C1orf52: variants seen among roughly 807,000 people sequenced by gnomAD.
The protein encoded by C1orf52 is chromosome 1 open reading frame 52.
In C1orf52, 5 loss-of-function variants were observed where a neutral mutation model predicts 17.2. The ratio of observed to expected loss-of-function variants is 0.29; its 90% CI spans 0.15 to 0.61. The LOEUF is 0.61. C1orf52 is among the 20% of genes least tolerant of loss of function. The probability of loss-of-function intolerance (pLI) is 0.85; values close to 1 mark genes in which losing one functional copy is unlikely to be tolerated. For missense variants in C1orf52, 245 were observed against 234.1 expected, an observed-to-expected ratio of 1.05 and a Z score of -0.30; for synonymous variants, 110 against 88.0, an observed-to-expected ratio of 1.25 and a Z score of -1.40.
At chr1:85,258,466 T>TAAAAAGAA (rs1660000295) in intron 2 of C1orf52, 58 bp downstream of exon 2, 4 of 1,394,668 alleles carry the variant, frequency 2.9e-6, no homozygotes, top group Non-Finnish European at 4.0e-6. Context: ...TATCTCATTC[T>TAAAAAGAA]TTTTAAGCCC....
Position 85,259,623 on chromosome 1 carries a change from T to A in C1orf52, c.11A>T (p.Glu4Val). The A allele has an allele frequency of 7.7e-6, 12 of 1,556,688 alleles. No homozygotes were observed. Among genetic ancestry groups the A allele is most frequent in the Non-Finnish European group, 1.0e-5 (12 of 1,149,700 alleles). The change falls in exon 1 of 3, where the codon GAG (glutamate) becomes GTG (valine). Residue 4 changes from glutamate (E) to valine (V), a missense_variant. Coordinates refer to ENST00000471115, the MANE Select transcript of C1orf52 (RefSeq NM_198077.4). MAA[E>V]EKDPLSYFAA... ...AAAATAGCTCAGAGGGTCCTTCTCC[T>A]CCGCTGCCATGACGGCTGCGAGCGA...
In C1orf52 at chr1:85,252,543, GGCA is replaced by G. The variant is rs551475734; in HGVS notation, c.*83_*85del. ...AACGTATGCATTTTCATGGAGATGT[GGCA>G]TAATAACCCACAATATCAACTTAAT... On this transcript the variant is annotated 3_prime_UTR_variant, in exon 3 of 3. Transcript: ENST00000471115. The G allele has an allele frequency of 2.1e-4, 221 of 1,047,710 alleles. No individual in the cohort carries two copies. The African/African-American group carries it at 2.9e-3, about 14-fold the overall frequency. The allele number at this position is 1,047,710 out of a possible 1,614,324, so 64.9% of individuals were successfully genotyped here. A position where few individuals can be genotyped will look rare whatever the true frequency, so the allele number is the denominator to read the frequency against.
intron 2 of C1orf52, 42 bp downstream of exon 2, chr1:85,258,482 G>A (rs752208878): frequency 6.0e-6 from 9 of 1,500,006 alleles, no homozygotes; most frequent in South Asian, 1.2e-5. Context: ...AGCCCATCAC[G>A]GGGATCAAAA....
rs1557781073 is a variant in C1orf52 at position 85,259,626 on chromosome 1, G to C, written c.8C>G (p.Ala3Gly). The C allele has an allele frequency of 1.9e-6, 3 of 1,555,270 alleles. No individual in the cohort carries two copies. The highest frequency in any genetic ancestry group is 2.4e-5 in the South Asian group (2 of 84,876). ...ATAGCTCAGAGGGTCCTTCTCCTCC[G>C]CTGCCATGACGGCTGCGAGCGACAA... The part of the protein sequence containing the change: MA[A>G]EEKDPLSYFA... Residue 3 changes from alanine to glycine, a missense_variant, in exon 1 of 3, where the codon GCG becomes GGG. Physicochemically the swap from Ala to Gly is moderately conservative, Grantham distance 60. Coordinates refer to ENST00000471115, the MANE Select transcript of C1orf52 (RefSeq NM_198077.4).
rs1406352527 is a variant in C1orf52, at chr1:85,250,191, GAC to G, written c.*2436_*2437del. On this transcript the variant is annotated 3_prime_UTR_variant, in exon 3 of 3. Coordinates refer to ENST00000471115, the MANE Select transcript of C1orf52 (RefSeq NM_198077.4). Reference sequence around the variant, plus strand: ...CCCCCATAATTCAGTCACCACCCATGACACGTGGGAATTGTGGGAATTACAAT... The same window carrying G: ...CCCCCATAATTCAGTCACCACCCATGACGTGGGAATTGTGGGAATTACAAT... 1 of 152,144 alleles carries G rather than the reference GAC, an allele frequency of 6.6e-6. No individual in the cohort carries two copies. Among genetic ancestry groups the G allele is most frequent in the Non-Finnish European group, 1.5e-5 (1 of 68,040 alleles). The allele number at this position is 152,144 out of a possible 1,614,324, so 9.4% of individuals were successfully genotyped here. A position where few individuals can be genotyped will look rare whatever the true frequency, so the allele number is the denominator to read the frequency against.
intron 2 of C1orf52, among the ~76,000 whole-genome samples, chr1:85,253,202 T>G (rs1659842856): frequency 6.6e-6 from 1 of 152,238 alleles, no homozygotes; most frequent in Non-Finnish European, 1.5e-5. Flanking sequence ...ATTCTCTCCC[T>G]TGGACACCAC....
chr1:85,259,085 T>A, intron 1 of C1orf52: 4 of 1,295,130 alleles, frequency 3.1e-6, no homozygotes, highest in Non-Finnish European at 3.9e-6. Flanking sequence ...GGCGGGGGAG[T>A]CACCACTGTT....
At chr1:85,256,793 C>T (rs1406076619) in intron 2 of C1orf52, among the ~76,000 whole-genome samples, 2 of 55,196 alleles carry the variant, frequency 3.6e-5, no homozygotes, top group African/African-American at 8.2e-5. Flanking sequence ...ACCGAGACTC[C>T]GCCTCAAAAA....
At position 85,259,526 on chromosome 1, in the gene C1orf52, G is replaced by C. The variant is rs763294331; in HGVS notation, c.108C>G (p.Arg36=). ...CCGACTTCGCCGGATCCGGGGTTCT[G>C]CGACTCGTCTCCTCCGGCTCGATGT... ...EDNIEPEETS[R]RTPDPAKSAG... The change falls in exon 1 of 3, where the codon CGC becomes CGG. Residue 36 remains arginine (R), a synonymous_variant. Coordinates refer to ENST00000471115, the MANE Select transcript of C1orf52 (RefSeq NM_198077.4). 6.2e-7 allele frequency: 1 copy of C among 1,613,934 alleles called. No homozygotes were observed. The highest frequency in any genetic ancestry group is 8.5e-7 in the Non-Finnish European group (1 of 1,180,004).
intron 2 of C1orf52, among the ~76,000 whole-genome samples, chr1:85,254,907 A>G (rs1339955967): frequency 6.6e-6 from 1 of 152,242 alleles, no homozygotes; most frequent in Non-Finnish European, 1.5e-5. Context: ...TTAAAAAGTA[A>G]CTGGCTATCA....
chr1:85,256,035 A>G (rs142117081), intron 2 of C1orf52, among the ~76,000 whole-genome samples: 3,826 of 152,322 alleles, frequency 0.025, 66 homozygotes, highest in South Asian at 0.037. Flanking sequence ...CCATATAACT[A>G]CAAAGATGTG....
chr1:85,258,217 GTGT>G (rs760488783), intron 2 of C1orf52, among the ~76,000 whole-genome samples: 6 of 152,206 alleles, frequency 3.9e-5, no homozygotes, highest in East Asian at 3.9e-4. Context: ...GAATTGATTT[GTGT>G]TGTTCTAATA....
intron 2 of C1orf52, among the ~76,000 whole-genome samples, chr1:85,256,036 C>G (rs970688669): frequency 3.3e-5 from 5 of 152,192 alleles, no homozygotes; most frequent in African/African-American, 1.2e-4. Context: ...CATATAACTA[C>G]AAAGATGTGA....
chr1:85,258,534 CG>C lies in C1orf52; in HGVS notation c.464del (p.Thr155SerfsTer18). 1 of 1,613,372 alleles carries C rather than the reference CG, an allele frequency of 6.2e-7. No individual in the cohort carries two copies. Among genetic ancestry groups the C allele is most frequent in the Non-Finnish European group, 8.5e-7 (1 of 1,179,672 alleles). On this transcript the variant is annotated frameshift_variant, in exon 2 of 3. Transcript: ENST00000471115. LOFTEE classifies it high-confidence loss of function. ...KARLLPEGEETLESDDEKDEH... is the reference protein window; with the variant it reads ...KARLLPEGEEXLESDDEKDEH... ...TCTGACTTTCCTTACCTGATTCCAA[CG>C]TCTCCTCCCCTTCTGGTAGAAGCCT...
chr1:85,254,873 T>C (rs1659893120), intron 2 of C1orf52, among the ~76,000 whole-genome samples: 1 of 152,234 alleles, frequency 6.6e-6, no homozygotes, highest in Non-Finnish European at 1.5e-5. Flanking sequence ...ATTAACTGAA[T>C]AACAAAACCA....
chr1:85,250,339 A>T lies in C1orf52; in HGVS notation c.*2290T>A, dbSNP rs1659770750. On this transcript the variant is annotated 3_prime_UTR_variant, in exon 3 of 3. Transcript: ENST00000471115. ...TCAAGTGACTCGATTCTCTAAAATG[A>T]AAGATACTTGGACAGATGATTTTTC... is the stretch of plus-strand genomic sequence containing the variant. 1 of 152,222 alleles carries T rather than the reference A, an allele frequency of 6.6e-6. No homozygotes were observed. The highest frequency in any genetic ancestry group is 2.1e-4 in the South Asian group (1 of 4,834). The allele number at this position is 152,222 out of a possible 1,614,324, so 9.4% of individuals were successfully genotyped here. A position where few individuals can be genotyped will look rare whatever the true frequency, so the allele number is the denominator to read the frequency against.
intron 2 of C1orf52, among the ~76,000 whole-genome samples, chr1:85,255,248 T>A (rs1043741694): frequency 6.6e-6 from 1 of 152,318 alleles, no homozygotes; most frequent in African/African-American, 2.4e-5. Flanking sequence ...ACCTACATTT[T>A]ACAACCACTA....
rs1430966559 is a variant in C1orf52 at position 85,250,766 on chromosome 1, G to A, written c.*1863C>T. On this transcript the variant is annotated 3_prime_UTR_variant, in exon 3 of 3. Coordinates refer to ENST00000471115, the MANE Select transcript of C1orf52 (RefSeq NM_198077.4). Reference sequence around the variant, plus strand: ...AAATTTTAGATTTCTCCAGAGCTTGGGAATCACAACTTCACAAATATAACT... The same window carrying A: ...AAATTTTAGATTTCTCCAGAGCTTGAGAATCACAACTTCACAAATATAACT... The A allele has an allele frequency of 6.6e-6, 1 of 152,132 alleles. No homozygotes were observed. The highest frequency in any genetic ancestry group is 6.5e-5 in the Admixed American group (1 of 15,274). The allele number at this position is 152,132 out of a possible 1,614,324, so 9.4% of individuals were successfully genotyped here. A position where few individuals can be genotyped will look rare whatever the true frequency, so the allele number is the denominator to read the frequency against.
At chr1:85,258,330 C>T (rs1659997909) in intron 2 of C1orf52, among the ~76,000 whole-genome samples, 194 bp downstream of exon 2, 1 of 152,180 alleles carries the variant, frequency 6.6e-6, no homozygotes, top group Admixed American at 6.5e-5. Context: ...CTACTACTAG[C>T]TGAGCTATCA....
Sources: gnomAD v4.1 joint callset for allele counts (sites outside exome capture counted in the v4.1 genomes callset) on GRCh38, gnomAD v4.1.1 for gene constraint, MANE v1.5 for transcripts, NCBI Gene and HGNC (gene_info 2026-07-23, HGNC 2026-07-21) for gene names.